Variants in ZNF503 observed in about 807,000 individuals in gnomAD.
ZNF503 encodes zinc finger protein 503.
In ZNF503, 15 loss-of-function variants were observed where a neutral mutation model predicts 34.4. The ratio of observed to expected loss-of-function variants is 0.44; its 90% CI spans 0.29 to 0.67. ZNF503 has a LOEUF of 0.67. ZNF503 is among the 30% of genes least tolerant of loss of function. The probability of loss-of-function intolerance (pLI) is 0.13; values close to 1 mark genes in which losing one functional copy is unlikely to be tolerated. For missense variants in ZNF503, 1,007 were observed against 926.8 expected (o/e 1.09, Z -1.12); for synonymous variants, 580 against 456.8 (o/e 1.27, Z -3.44).
At chr10:75,376,900 G>A in the ZNF503 span, among the ~76,000 whole-genome samples, 1 of 152,144 alleles carries the variant, frequency 6.6e-6, no homozygotes, top group African/African-American at 2.4e-5. Context: ...ACCGCCCCAT[G>A]ATTCAATTAT....
the ZNF503 span, among the ~76,000 whole-genome samples, chr10:75,365,657 A>T: frequency 6.6e-6 from 1 of 152,180 alleles, no homozygotes; most frequent in Non-Finnish European, 1.5e-5. Context: ...GGGTGACCTT[A>T]AGCAAGTTAT....
chr10:75,388,171 G>A, the ZNF503 span, among the ~76,000 whole-genome samples: 5 of 152,224 alleles, frequency 3.3e-5, no homozygotes, highest in African/African-American at 4.8e-5. Flanking sequence ...CCACTGATTC[G>A]GGGCCTAGAC....
the ZNF503 span, among the ~76,000 whole-genome samples, chr10:75,308,835 C>G: frequency 6.6e-6 from 1 of 152,026 alleles, no homozygotes; most frequent in Non-Finnish European, 1.5e-5. Context: ...TAAGTAGTTG[C>G]TTCTTTCTTT....
chr10:75,371,034 G>C, the ZNF503 span, among the ~76,000 whole-genome samples: 1 of 152,078 alleles, frequency 6.6e-6, no homozygotes, highest in Non-Finnish European at 1.5e-5. Context: ...GCAGGAAAAA[G>C]GGTCCAGGGA....
the ZNF503 span, among the ~76,000 whole-genome samples, chr10:75,303,946 G>C: frequency 2.0e-5 from 3 of 149,546 alleles, no homozygotes; most frequent in Non-Finnish European, 4.4e-5. Context: ...CAATTCTCCT[G>C]CCTCAGCCTC....
At chr10:75,362,904 C>T in the ZNF503 span, among the ~76,000 whole-genome samples, 1 of 152,166 alleles carries the variant, frequency 6.6e-6, no homozygotes, top group Non-Finnish European at 1.5e-5. Flanking sequence ...AATGAAATCT[C>T]AGTTCCCCCT....
chr10:75,309,435 C>T, the ZNF503 span, among the ~76,000 whole-genome samples: 1 of 152,184 alleles, frequency 6.6e-6, no homozygotes, highest in Non-Finnish European at 1.5e-5. Context: ...GAAATTGCCA[C>T]AGCCACTGCA....
At chr10:75,286,812 T>C in the ZNF503 span, among the ~76,000 whole-genome samples, 22,770 of 152,282 alleles carry the variant, frequency 0.15, 2,281 homozygotes, top group African/African-American at 0.28. Context: ...ACAGAGGGGC[T>C]GCGTCGCCTC....
At chr10:75,374,525 C>T in the ZNF503 span, among the ~76,000 whole-genome samples, 1 of 152,142 alleles carries the variant, frequency 6.6e-6, no homozygotes. Flanking sequence ...CTCACACTCT[C>T]CTCTCCTTCA....
the ZNF503 span, among the ~76,000 whole-genome samples, chr10:75,379,200 C>T: frequency 2.6e-5 from 4 of 152,090 alleles, no homozygotes; most frequent in African/African-American, 9.7e-5. Context: ...GTAATAGCAG[C>T]CTAAGAGTGC....
chr10:75,379,221 G>A, the ZNF503 span, among the ~76,000 whole-genome samples: 1 of 152,282 alleles, frequency 6.6e-6, no homozygotes, highest in East Asian at 1.9e-4. Flanking sequence ...TGGTTAGCCT[G>A]GCGCGGAGTG....
the ZNF503 span, among the ~76,000 whole-genome samples, chr10:75,386,917 C>G: frequency 0.017 from 2,612 of 152,322 alleles, 37 homozygotes; most frequent in Non-Finnish European, 0.024. Context: ...CATCACAGCC[C>G]GCCTTAAGGC....
chr10:75,395,415 G>A (rs1032427122), downstream of ZNF503, among the ~76,000 whole-genome samples: 1 of 152,196 alleles, frequency 6.6e-6, no homozygotes, highest in Non-Finnish European at 1.5e-5. The surrounding 1 kb of genome is among the most constrained non-coding windows in gnomAD (Gnocchi z 4.4). Flanking sequence ...GCCTCGGGAT[G>A]CCCATCCAGC....
chr10:75,391,849 C>T, the ZNF503 span, among the ~76,000 whole-genome samples: 1 of 152,030 alleles, frequency 6.6e-6, no homozygotes, highest in African/African-American at 2.4e-5. Context: ...AGGTACCGTG[C>T]TAGCTGCCAT....
At chr10:75,338,618 C>T in the ZNF503 span, among the ~76,000 whole-genome samples, 1 of 152,150 alleles carries the variant, frequency 6.6e-6, no homozygotes, top group Non-Finnish European at 1.5e-5. Flanking sequence ...CAGCAGTGCT[C>T]AGGGCCCTCA....
the ZNF503 span, among the ~76,000 whole-genome samples, chr10:75,303,695 A>G: frequency 1.6e-4 from 25 of 152,156 alleles, no homozygotes; most frequent in African/African-American, 5.8e-4. Flanking sequence ...GCAGTATTTG[A>G]TCACCCACTT....
Position 75,399,246 on chromosome 10 carries a change from G to T in ZNF503, c.1444C>A (p.Leu482Ile), listed in dbSNP as rs980705218. 6.3e-7 allele frequency: 1 copy of T among 1,592,998 alleles called. No homozygotes were observed. The highest frequency in any genetic ancestry group is 1.7e-5 in the Admixed American group (1 of 58,320). The change falls in exon 2 of 2, where the codon CTA becomes ATA. Residue 482 changes from leucine to isoleucine, a missense_variant. Transcript: ENST00000372524. ...THPLHGVHSS[L>I]TAAAAAGATP... ...GCGCCAGCAGCCGCGGCGGCCGTTA[G>T]CGAGGAGTGCACACCGTGCAGCGGG...
At chr10:75,341,331 C>A in the ZNF503 span, among the ~76,000 whole-genome samples, 35 of 152,278 alleles carry the variant, frequency 2.3e-4, no homozygotes, top group Admixed American at 2.2e-3. Context: ...TTGATATGAT[C>A]TCAACCTTGA....
the ZNF503 span, among the ~76,000 whole-genome samples, chr10:75,390,556 C>G: frequency 6.6e-6 from 1 of 152,004 alleles, no homozygotes; most frequent in Non-Finnish European, 1.5e-5. Context: ...TGCACCAACT[C>G]TGAATTACTA....
Sources: gnomAD v4.1 joint callset for allele counts (sites outside exome capture counted in the v4.1 genomes callset) on GRCh38, gnomAD v4.1.1 for gene constraint, Gnocchi (gnomAD v3.1) non-coding constraint, MANE v1.5 for transcripts, NCBI Gene and HGNC (gene_info 2026-07-23, HGNC 2026-07-21) for gene names.